The following SRBD1 variants were observed in gnomAD, a reference collection of about 807,000 sequenced individuals.
SRBD1 encodes the protein S1 RNA binding domain 1, also known as S1 RNA-binding domain-containing protein 1.
In SRBD1, 88 loss-of-function variants were observed where a neutral mutation model predicts 115.3. That is an observed-to-expected ratio of 0.76 (90% CI 0.64 to 0.91). The LOEUF (loss-of-function observed/expected upper bound fraction) is 0.91, where lower values mean the gene tolerates loss of function less well. Among genes scored for constraint, SRBD1 ranks in the 40% least tolerant of loss-of-function variants. SRBD1 has a pLI of 0.00. For missense variants in SRBD1, 1,385 were observed against 1,177.4 expected (o/e 1.18, Z -2.58); for synonymous variants, 509 against 407.7 (o/e 1.25, Z -2.99).
chr2:45,577,241 A>G (rs948017903), intron 7 of SRBD1, among the ~76,000 whole-genome samples: 1 of 152,228 alleles, frequency 6.6e-6, no homozygotes, highest in African/African-American at 2.4e-5. Flanking sequence ...AATAATTTAA[A>G]AGGAAAGTCT....
At chr2:45,393,746 T>G (rs978517027) in intron 19 of SRBD1, among the ~76,000 whole-genome samples, 2 of 152,364 alleles carry the variant, frequency 1.3e-5, no homozygotes, top group African/African-American at 4.8e-5. Flanking sequence ...AATGAGGCTA[T>G]CTGTTCCCTA....
chr2:45,577,670 A>C (rs949046235), intron 7 of SRBD1, among the ~76,000 whole-genome samples: 1 of 151,042 alleles, frequency 6.6e-6, no homozygotes, highest in Non-Finnish European at 1.5e-5. Context: ...GAAAAAAAAA[A>C]CTGAACTATC....
intron 16 of SRBD1, among the ~76,000 whole-genome samples, chr2:45,459,590 G>T (rs1669253279): frequency 6.6e-6 from 1 of 152,084 alleles, no homozygotes; most frequent in African/African-American, 2.4e-5. Context: ...AACATCAAAG[G>T]TTTAAACAAA....
At chr2:45,450,356 T>C (rs1052779713) in intron 16 of SRBD1, among the ~76,000 whole-genome samples, 4 of 152,120 alleles carry the variant, frequency 2.6e-5, no homozygotes, top group African/African-American at 7.2e-5. Context: ...GTAGGTATAA[T>C]TGAGTAAATG....
At chr2:45,561,339 T>C (rs1672658852) in intron 10 of SRBD1, among the ~76,000 whole-genome samples, 1 of 152,254 alleles carries the variant, frequency 6.6e-6, no homozygotes, top group African/African-American at 2.4e-5. Flanking sequence ...AATTTACCTA[T>C]TGATTAACAT....
intron 1 of SRBD1, among the ~76,000 whole-genome samples, chr2:45,610,098 T>C (rs576034182): frequency 6.6e-6 from 1 of 152,332 alleles, no homozygotes; most frequent in Non-Finnish European, 1.5e-5. Flanking sequence ...TTCAGTGACT[T>C]GGGATTTTTC....
At chr2:45,580,676 C>CTTTTTTTTT (rs369067711) in intron 6 of SRBD1, among the ~76,000 whole-genome samples, 2 of 76,400 alleles carry the variant, frequency 2.6e-5, no homozygotes, top group Non-Finnish European at 2.4e-5. Flanking sequence ...TCTTCTACTT[C>CTTTTTTTTT]TTTTTTTTTT....
chr2:45,492,469 C>T (rs998365813), intron 14 of SRBD1, among the ~76,000 whole-genome samples: 1 of 152,094 alleles, frequency 6.6e-6, no homozygotes, highest in African/African-American at 2.4e-5. Flanking sequence ...GACAGAGTCT[C>T]GTTCTGTCGC....
chr2:45,422,986 G>C (rs1051312889), intron 16 of SRBD1, among the ~76,000 whole-genome samples: 6 of 152,146 alleles, frequency 3.9e-5, no homozygotes, highest in South Asian at 2.1e-4. Context: ...AAAATTGAGA[G>C]AAAATGTTGA....
intron 11 of SRBD1, among the ~76,000 whole-genome samples, chr2:45,552,061 G>A (rs929734178): frequency 6.6e-6 from 1 of 152,152 alleles, no homozygotes; most frequent in Non-Finnish European, 1.5e-5. Flanking sequence ...ATAGCACTTT[G>A]TAACTGACAA....
In SRBD1 at chr2:45,514,834, AAC is replaced by A. The variant is rs560789377; in HGVS notation, c.1875-26505_1875-26504del. ...CACTTAAACCACTTTTAAAATTACTAACAACTTCCTTATACCTTACAAATTTA... is the reference window on the plus strand; with the variant it reads ...CACTTAAACCACTTTTAAAATTACTAAACTTCCTTATACCTTACAAATTTA... On this transcript the variant is annotated intron_variant, in intron 14 of 20. Transcript: ENST00000263736. Among the ~76,000 whole-genome samples the A allele has an allele frequency of 2.4e-4, 37 of 152,294 alleles. No homozygotes were observed. The South Asian group carries it at 7.0e-3, about 29-fold the overall frequency.
chr2:45,527,332 C>T (rs59817529), intron 14 of SRBD1, among the ~76,000 whole-genome samples: 1,759 of 151,762 alleles, frequency 0.012, 29 homozygotes, highest in African/African-American at 0.033. Context: ...TTACATAAAT[C>T]GGTACAGTAC....
chr2:45,440,607 C>T (rs1668636569), intron 16 of SRBD1, among the ~76,000 whole-genome samples: 2 of 152,154 alleles, frequency 1.3e-5, no homozygotes, highest in South Asian at 2.1e-4. Context: ...TTTGACCTGA[C>T]ATAATACAAA....
chr2:45,519,546 C>T (rs1448876481), intron 14 of SRBD1, among the ~76,000 whole-genome samples: 1 of 152,204 alleles, frequency 6.6e-6, no homozygotes, highest in Non-Finnish European at 1.5e-5. Context: ...TTATTCCATT[C>T]ATACTCTTTC....
chr2:45,524,262 G>C (rs1671373863), intron 14 of SRBD1, among the ~76,000 whole-genome samples: 1 of 151,992 alleles, frequency 6.6e-6, no homozygotes, highest in Non-Finnish European at 1.5e-5. Context: ...GTCTGCTCTT[G>C]CCACTTCTAT....
At chr2:45,401,971 G>A (rs542551882) in intron 19 of SRBD1, among the ~76,000 whole-genome samples, 1 of 152,292 alleles carries the variant, frequency 6.6e-6, no homozygotes, top group African/African-American at 2.4e-5. Context: ...AATTCTCAAG[G>A]AGCAGTTCAG....
intron 6 of SRBD1, among the ~76,000 whole-genome samples, chr2:45,580,676 CTTTTTTTTTTTTTTTT>C (rs369067711): frequency 1.8e-4 from 14 of 76,400 alleles, no homozygotes; most frequent in Middle Eastern, 8.6e-3. Context: ...TCTTCTACTT[CTTTTTTTTTTTTTTTT>C]TTTTTTTTTT....
chr2:45,399,044 A>G (rs1667223550), intron 19 of SRBD1, among the ~76,000 whole-genome samples: 1 of 152,134 alleles, frequency 6.6e-6, no homozygotes, highest in South Asian at 2.1e-4. Context: ...ATTTTGAAAA[A>G]TAACAAACCA....
chr2:45,447,008 C>T (rs1668846003), intron 16 of SRBD1: 1 of 152,176 alleles, frequency 6.6e-6, no homozygotes, highest in African/African-American at 2.4e-5. Flanking sequence ...GTTTTACGTC[C>T]TTATTCTTTT....
Sources: allele counts gnomAD v4.1 joint callset (sites outside exome capture counted in the v4.1 genomes callset), GRCh38; gene constraint gnomAD v4.1.1; transcripts MANE v1.5; gene names NCBI Gene and HGNC (gene_info 2026-07-23, HGNC 2026-07-21).